The following SYNJ2 variants were observed in gnomAD, a reference collection of about 807,000 sequenced individuals.
The protein encoded by SYNJ2 is polyphosphatidylinositol phosphatase SYNJ2.
Under a neutral mutation model 141.3 loss-of-function variants are expected in SYNJ2, and 116 were observed. That is an observed-to-expected ratio of 0.82 (90% CI 0.71 to 0.96). The LOEUF is 0.96. SYNJ2 is among the 40% of genes least tolerant of loss of function. The pLI is 0.00. For missense variants in SYNJ2, 1,873 were observed against 1,934.8 expected (o/e 0.97, Z 0.60); for synonymous variants, 745 against 777.7 (o/e 0.96, Z 0.70).
intron 5 of SYNJ2, among the ~76,000 whole-genome samples, chr6:158,045,615 CTCT>C (rs10590337): frequency 0.3 from 45,504 of 151,826 alleles, 6,909 homozygotes; most frequent in Middle Eastern, 0.42. Context: ...TTCTGGTTCC[CTCT>C]TCTTCTTCTT....
At chr6:157,986,863 C>T (rs1402285084) in intron 1 of SYNJ2, among the ~76,000 whole-genome samples, 2 of 151,290 alleles carry the variant, frequency 1.3e-5, no homozygotes, top group African/African-American at 2.4e-5. Flanking sequence ...TTTATGAAAA[C>T]GTGAATCTCC....
intron 5 of SYNJ2, among the ~76,000 whole-genome samples, chr6:158,051,904 C>T (rs528020432): frequency 1.3e-5 from 2 of 151,386 alleles, no homozygotes; most frequent in East Asian, 1.9e-4. Context: ...TGCAGTGAGC[C>T]GTGATTGCAC....
At chr6:158,047,795 A>AAC (rs1780332170) in intron 5 of SYNJ2, among the ~76,000 whole-genome samples, 1 of 149,080 alleles carries the variant, frequency 6.7e-6, no homozygotes, top group African/African-American at 2.5e-5. Flanking sequence ...AAAAAAAAAA[A>AAC]AAAAAAAAAA....
intron 23 of SYNJ2, among the ~76,000 whole-genome samples, chr6:158,087,875 C>CTTTT (rs749329722): frequency 1.1e-4 from 10 of 94,410 alleles, no homozygotes; most frequent in African/African-American, 3.8e-4. Flanking sequence ...CAACATACTT[C>CTTTT]TTTTTTTTTT....
At chr6:158,073,819 C>G (rs9457040) in intron 15 of SYNJ2, among the ~76,000 whole-genome samples, 27,573 of 151,534 alleles carry the variant, frequency 0.18, 2,801 homozygotes, top group East Asian at 0.27. Flanking sequence ...GATTTTGGAG[C>G]TAGGCAGATG....
At chr6:158,049,463 G>A (rs1416901991) in intron 5 of SYNJ2, among the ~76,000 whole-genome samples, 2 of 152,212 alleles carry the variant, frequency 1.3e-5, no homozygotes, top group Non-Finnish European at 2.9e-5. Context: ...GACGGAGGAA[G>A]GGTGAGCTCC....
chr6:158,080,238 G>T lies in SYNJ2; in HGVS notation c.2568-871G>T, dbSNP rs559519804. 8.2e-4 allele frequency among the ~76,000 whole-genome samples: 125 copies of T among 152,292 alleles called. 1 individual carries two copies. The highest frequency in any genetic ancestry group is 8.2e-3 in the Admixed American group (125 of 15,296). ...CGCCTTTATCCCAGCACTTTGGGAG[G>T]CTGAGGCAGGCGGATCACCTAAAGT... On this transcript the variant is annotated intron_variant, in intron 18 of 26. Coordinates refer to ENST00000355585, the MANE Select transcript of SYNJ2 (RefSeq NM_003898.4).
chr6:158,065,120 C>T lies in SYNJ2; in HGVS notation c.1525+129C>T, dbSNP rs1781485427. ...TGGGATCTGAGCAGTGGACCATGCA[C>T]CTTGCAGCTGTCACTGCCTCTCCCG... On this transcript the variant is annotated intron_variant, in intron 11 of 26. Transcript: ENST00000355585. 3 of 1,206,302 alleles carry T rather than the reference C, an allele frequency of 2.5e-6. No individual in the cohort carries two copies. In the South Asian group the frequency reaches 5.6e-5, roughly 23 times the overall value. 74.7% of individuals were successfully genotyped at this position (1,206,302 alleles called of 1,614,324 possible). A position where few individuals can be genotyped will look rare whatever the true frequency, so the allele number is the denominator to read the frequency against.
chr6:158,019,835 C>T (rs1778664307), intron 2 of SYNJ2, among the ~76,000 whole-genome samples: 1 of 152,260 alleles, frequency 6.6e-6, no homozygotes, highest in Non-Finnish European at 1.5e-5. Context: ...GCACCCTGAG[C>T]ATCTGAAGGA....
Position 158,062,078 on chromosome 6 carries a change from G to A in SYNJ2, c.1041G>A (p.Glu347=). The stretch of plus-strand genomic sequence containing the variant: ...AGTTTGCCAAAGGTGGGAAGCTAGA[G>A]AAATTGGAGACCCTCTTGAGGCCAC... ...FHQFAKGGKL[E]KLETLLRPQL... The change falls in exon 8 of 27, where the codon GAG becomes GAA. Residue 347 remains glutamate, a synonymous_variant. Coordinates refer to ENST00000355585, the MANE Select transcript of SYNJ2 (RefSeq NM_003898.4). 6.2e-7 allele frequency: 1 copy of A among 1,614,204 alleles called. No individual in the cohort carries two copies.
chr6:158,008,297 C>G (rs1778146258), intron 1 of SYNJ2, among the ~76,000 whole-genome samples: 1 of 152,194 alleles, frequency 6.6e-6, no homozygotes, highest in Admixed American at 6.5e-5. Context: ...TAAAAGAGCT[C>G]TTATCTTTTC....
rs1294307929 is a variant in SYNJ2 at position 158,069,561 on chromosome 6, C to G, written c.1828C>G (p.Gln610Glu). ...TACCAACAAGAAGATGTGGGGTGAA[C>G]AGCTTCAGAAAGCCATCTCACGCTC... Reference protein sequence around the residue: ...STTNKKMWGEQLQKAISRSHR... With the variant: ...STTNKKMWGEELQKAISRSHR... The change falls in exon 14 of 27, where the codon CAG becomes GAG. Residue 610 changes from glutamine (Q) to glutamate (E), a missense_variant. Gln to Glu is a conservative substitution (Grantham distance 29). Transcript: ENST00000355585. The G allele has an allele frequency of 6.2e-7, 1 of 1,613,864 alleles. No homozygotes were observed. The highest frequency in any genetic ancestry group is 1.3e-5 in the African/African-American group (1 of 75,016).
chr6:158,093,333 G>A (rs1562413321), intron 26 of SYNJ2, among the ~76,000 whole-genome samples: 1 of 152,026 alleles, frequency 6.6e-6, no homozygotes, highest in South Asian at 2.1e-4. Context: ...CTACTCAGGA[G>A]GCTGAGGCAG....
At chr6:158,074,876 T>G (rs1782169155) in intron 16 of SYNJ2, 138 bp downstream of exon 16, 1 of 1,079,920 alleles carries the variant, frequency 9.3e-7, no homozygotes, top group African/African-American at 1.6e-5. Context: ...ATAGGTGGGC[T>G]TGTGAGGTTA....
intron 24 of SYNJ2, among the ~76,000 whole-genome samples, chr6:158,089,488 T>C (rs1007083629): frequency 1.3e-5 from 2 of 152,146 alleles, no homozygotes; most frequent in African/African-American, 4.8e-5. Flanking sequence ...AAAGCACTTT[T>C]AAGGAAGGTA....
At position 158,081,309 on chromosome 6, in the gene SYNJ2, G is replaced by A. The variant is rs1782664873; in HGVS notation, c.2768G>A (p.Gly923Glu). ...TELMQTLGSYGTIVLVRINQG... is the reference protein window; with the variant it reads ...TELMQTLGSYETIVLVRINQG... ...CTCATGCAGACCTTGGGGAGTTATG[G>A]GACAATTGTTCTTGTCAGGTAACTG... is the stretch of plus-strand genomic sequence containing the variant. The change falls in exon 19 of 27, where the codon GGG becomes GAG. Residue 923 changes from glycine (G) to glutamate (E), a missense_variant. Gly to Glu is a moderately conservative substitution (Grantham distance 98). Transcript: ENST00000355585. 2.5e-6 allele frequency: 4 copies of A among 1,614,146 alleles called. No individual in the cohort carries two copies. The highest frequency in any genetic ancestry group is 3.4e-6 in the Non-Finnish European group (4 of 1,180,036).
At position 158,052,433 on chromosome 6, in the gene SYNJ2, A is replaced by G. The variant is rs552741278; in HGVS notation, c.796-2534A>G. Among the ~76,000 whole-genome samples the G allele has an allele frequency of 1.2e-4, 18 of 152,332 alleles. No individual in the cohort carries two copies. In the South Asian group the frequency reaches 3.7e-3, roughly 32 times the overall value. ...AATACCTGAGGCTGGGTAATTTATAAAGGAAAGAGGTTTATTTGGCTCATG... is the reference window on the plus strand; with the variant it reads ...AATACCTGAGGCTGGGTAATTTATAGAGGAAAGAGGTTTATTTGGCTCATG... On this transcript the variant is annotated intron_variant, in intron 5 of 26. Transcript: ENST00000355585.
At chr6:158,082,871 A>C (rs896734099) in intron 20 of SYNJ2, among the ~76,000 whole-genome samples, 1 of 152,144 alleles carries the variant, frequency 6.6e-6, no homozygotes, top group Non-Finnish European at 1.5e-5. Context: ...GCTCATAGAT[A>C]GTTTCCGTTT....
chr6:158,068,538 C>G, intron 12 of SYNJ2, 109 bp from the exon 13 acceptor site: 1 of 1,200,566 alleles, frequency 8.3e-7, no homozygotes, highest in South Asian at 1.4e-5. Flanking sequence ...TGGAGTTGGA[C>G]TCAGGCAGTG....
Sources: allele counts gnomAD v4.1 joint callset (sites outside exome capture counted in the v4.1 genomes callset), GRCh38; gene constraint gnomAD v4.1.1; transcripts MANE v1.5; gene names NCBI Gene and HGNC (gene_info 2026-07-23, HGNC 2026-07-21).